Variants in PTCD1 observed in about 807,000 individuals in gnomAD.
PTCD1 encodes pentatricopeptide repeat-containing protein 1, mitochondrial.
In PTCD1, 50 loss-of-function variants were observed where a neutral mutation model predicts 53.4. The observed-to-expected ratio is 0.94, with a 90% CI of 0.75 to 1.19. The LOEUF (loss-of-function observed/expected upper bound fraction) is 1.19, where lower values mean the gene tolerates loss of function less well. Among genes scored for constraint, PTCD1 ranks in the 50% most tolerant of loss-of-function variants. The pLI is 0.00. For missense variants in PTCD1, 918 were observed against 904.8 expected (o/e 1.01, Z -0.19); for synonymous variants, 413 against 394.8 (o/e 1.05, Z -0.55).
At chr7:99,428,129 C>T (rs1214411308) in intron 5 of PTCD1, among the ~76,000 whole-genome samples, 10 of 151,674 alleles carry the variant, frequency 6.6e-5, no homozygotes, top group Non-Finnish European at 8.8e-5. Context: ...TGGCCGGGCG[C>T]GGTGGCTCAC....
intron 5 of PTCD1, among the ~76,000 whole-genome samples, chr7:99,427,173 G>A (rs1287899451): frequency 6.8e-6 from 1 of 146,226 alleles, no homozygotes; most frequent in Non-Finnish European, 1.5e-5. Context: ...GTCCGGGAGG[G>A]AGGTGGGGGT....
chr7:99,433,014 C>A, intron 3 of PTCD1: 1 of 546,826 alleles, frequency 1.8e-6, no homozygotes, highest in Non-Finnish European at 3.3e-6. Flanking sequence ...GCACTCCAGC[C>A]TAGGTGACAG....
chr7:99,424,004 G>C (rs778422929), intron 6 of PTCD1, 47 bp from the exon 7 acceptor site: 1 of 1,598,114 alleles, frequency 6.3e-7, no homozygotes, highest in Non-Finnish European at 8.5e-7. Flanking sequence ...CAGCCATTGG[G>C]ACCCAGCAGC....
intron 2 of PTCD1, among the ~76,000 whole-genome samples, chr7:99,434,034 G>A (rs1337959283): frequency 2.3e-4 from 29 of 126,342 alleles, no homozygotes; most frequent in Admixed American, 3.4e-4. Flanking sequence ...CCTGGGTGAC[G>A]GTACAAGACT....
intron 3 of PTCD1, among the ~76,000 whole-genome samples, chr7:99,432,358 G>A (rs995740896): frequency 1.3e-5 from 2 of 152,192 alleles, no homozygotes; most frequent in Non-Finnish European, 2.9e-5. Flanking sequence ...GGCTGGAGGT[G>A]GGACCTGCTG....
intron 6 of PTCD1, 105 bp from the exon 7 acceptor site, chr7:99,424,062 C>A: frequency 6.7e-7 from 1 of 1,490,344 alleles, no homozygotes; most frequent in Non-Finnish European, 9.1e-7. Context: ...GCGGCCAGGG[C>A]CAGCAAGGCA....
intron 7 of PTCD1, among the ~76,000 whole-genome samples, chr7:99,421,441 AAAAAAAG>A (rs1554357372): frequency 3.3e-4 from 49 of 146,830 alleles, no homozygotes; most frequent in African/African-American, 1.1e-3. Flanking sequence ...AAAAAAAAAA[AAAAAAAG>A]AAAAAAGAAA....
chr7:99,431,928 A>G (rs1796267838), intron 3 of PTCD1, among the ~76,000 whole-genome samples: 1 of 152,214 alleles, frequency 6.6e-6, no homozygotes, highest in Non-Finnish European at 1.5e-5. Flanking sequence ...TGTTGACTCA[A>G]GGTTTAATGG....
intron 1 of PTCD1, among the ~76,000 whole-genome samples, chr7:99,437,920 C>T (rs1022748092): frequency 6.6e-6 from 1 of 152,180 alleles, no homozygotes; most frequent in African/African-American, 2.4e-5. Context: ...TCGCCTCAGA[C>T]TCCCAAAGTG....
rs1345616318 is a variant in PTCD1, at chr7:99,420,154, A to C, written c.1921-5T>G. 12 of 1,614,020 alleles carry C rather than the reference A, an allele frequency of 7.4e-6. No homozygotes were observed. In the Middle Eastern group the frequency reaches 9.9e-4, roughly 133 times the overall value. On this transcript the variant is annotated splice_region_variant and splice_polypyrimidine_tract_variant and intron_variant, in intron 7 of 7. Coordinates refer to ENST00000292478, the MANE Select transcript of PTCD1 (RefSeq NM_015545.4). ...GTAGGTGTTCTTCCCTTGGTACTAG[A>C]ATTAGAAAAGTGAGGCTAGAATCAC...
At chr7:99,428,402 CA>C (rs531899998) in intron 5 of PTCD1, among the ~76,000 whole-genome samples, 2,437 of 54,958 alleles carry the variant, frequency 0.044, 61 homozygotes, top group African/African-American at 0.13. Flanking sequence ...GACTCCATCT[CA>C]AAAAAAAAAA....
rs1795602418 is a variant in PTCD1, at chr7:99,418,009, C to T, written c.*1958G>A. The T allele has an allele frequency of 1.0e-5, 12 of 1,161,630 alleles. No individual in the cohort carries two copies. The South Asian group carries it at 1.7e-4, about 17-fold the overall frequency. 72.0% of individuals were successfully genotyped at this position (1,161,630 alleles called of 1,614,324 possible). A position where few individuals can be genotyped will look rare whatever the true frequency, so the allele number is the denominator to read the frequency against. On this transcript the variant is annotated 3_prime_UTR_variant, in exon 8 of 8. Transcript: ENST00000292478. Reference sequence around the variant, plus strand: ...CCAAGACGGAGTCTTGCTTTGTCGCCCAGGCTGGAGTGCAGTGATGCCATC... The same window carrying T: ...CCAAGACGGAGTCTTGCTTTGTCGCTCAGGCTGGAGTGCAGTGATGCCATC...
At chr7:99,434,701 G>T in intron 2 of PTCD1, 89 bp downstream of exon 2, 1 of 1,560,548 alleles carries the variant, frequency 6.4e-7, no homozygotes, top group Admixed American at 1.7e-5. Context: ...CCAAAACTTA[G>T]AGGCTGGGAA....
chr7:99,429,971 C>T (rs1796198047), intron 3 of PTCD1, among the ~76,000 whole-genome samples, 165 bp from the exon 4 acceptor site: 1 of 152,186 alleles, frequency 6.6e-6, no homozygotes, highest in Non-Finnish European at 1.5e-5. Flanking sequence ...TCTCCAAACT[C>T]AGACACATTG....
rs114658645 is a variant in PTCD1, at chr7:99,420,114, G to A, written c.1956C>T (p.Asp652=). The change falls in exon 8 of 8, where the codon GAC becomes GAT. Residue 652 remains aspartate (D), a synonymous_variant. Transcript: ENST00000292478. ...ACTGCTTGTAATAGGCTCGGAAGCC[G>A]TCAATCTTCTCCAGGTAGGTGTTCT... is the stretch of plus-strand genomic sequence containing the variant. ...QGKNTYLEKI[D]GFRAYYKQWL... The A allele has an allele frequency of 0.039, 63,621 of 1,614,112 alleles. 1,425 individuals carry two copies. Among genetic ancestry groups the A allele is most frequent in the Admixed American group, 0.067 (4,021 of 60,016 alleles).
In PTCD1 at chr7:99,433,297, G is replaced by T. The variant is rs561381259; in HGVS notation, c.575C>A (p.Ala192Asp). Reference sequence around the variant, plus strand: ...ATGCACCTGGTTGTAGAGGTTGAAGGCCTTCTTCAGGTAGCCAACCCGCCC... The same window carrying T: ...ATGCACCTGGTTGTAGAGGTTGAAGTCCTTCTTCAGGTAGCCAACCCGCCC... ...GCGRVGYLKKAFNLYNQMKKR... is the reference protein window; with the variant it reads ...GCGRVGYLKKDFNLYNQMKKR... Residue 192 changes from alanine (A) to aspartate (D), a missense_variant, in exon 3 of 8, where the codon GCC (alanine) becomes GAC (aspartate). By Grantham distance (126) the Ala-to-Asp change is moderately radical. Coordinates refer to ENST00000292478, the MANE Select transcript of PTCD1 (RefSeq NM_015545.4). The T allele has an allele frequency of 6.2e-7, 1 of 1,614,164 alleles. No individual in the cohort carries two copies. Among genetic ancestry groups the T allele is most frequent in the South Asian group, 1.1e-5 (1 of 91,084 alleles).
intron 7 of PTCD1, among the ~76,000 whole-genome samples, chr7:99,420,903 C>T (rs1223352768): frequency 2.6e-5 from 4 of 151,804 alleles, no homozygotes; most frequent in South Asian, 2.1e-4. Context: ...GCTGAGATCA[C>T]GCCATTGCAC....
chr7:99,425,250 C>G lies in PTCD1; in HGVS notation c.1282G>C (p.Ala428Pro). The change falls in exon 6 of 8, where the codon GCA becomes CCA. Residue 428 changes from alanine to proline, a missense_variant. Transcript: ENST00000292478. ...ACGGGAGGTGGCTTCAGGGCCACTG[C>G]GGTGAGGGCTGCTGTGTGGCTGGGC... is the stretch of plus-strand genomic sequence containing the variant. The part of the protein sequence containing the change: ...AEPSHTAALT[A>P]VALKPPPVEL... 1 of 1,612,454 alleles carries G rather than the reference C, an allele frequency of 6.2e-7. No individual in the cohort carries two copies. The highest frequency in any genetic ancestry group is 8.5e-7 in the Non-Finnish European group (1 of 1,178,860).
Position 99,419,224 on chromosome 7 carries a change from A to G in PTCD1, c.*743T>C, listed in dbSNP as rs1795682955. On this transcript the variant is annotated 3_prime_UTR_variant, in exon 8 of 8. Transcript: ENST00000292478. The stretch of plus-strand genomic sequence containing the variant: ...GTCAACAGCAGCTGGTTCTACCTTC[A>G]TGAGGGAGCCAAATTTTCCCTGTCC... 1.4e-6 allele frequency: 1 copy of G among 695,790 alleles called. No individual in the cohort carries two copies. Among genetic ancestry groups the G allele is most frequent in the Admixed American group, 2.4e-5 (1 of 42,070 alleles). The allele number at this position is 695,790 out of a possible 1,614,324, so 43.1% of individuals were successfully genotyped here. A position where few individuals can be genotyped will look rare whatever the true frequency, so the allele number is the denominator to read the frequency against.
Sources: gnomAD v4.1 joint callset for allele counts (sites outside exome capture counted in the v4.1 genomes callset) on GRCh38, gnomAD v4.1.1 for gene constraint, MANE v1.5 for transcripts, NCBI Gene and HGNC (gene_info 2026-07-23, HGNC 2026-07-21) for gene names.